The following ITGA9 variants were observed in gnomAD, a reference collection of about 807,000 sequenced individuals.
The protein encoded by ITGA9 is integrin subunit alpha 9.
ITGA9 carries 56 observed loss-of-function variants against 127.8 expected under a neutral mutation model. The ratio of observed to expected loss-of-function variants is 0.44; its 90% confidence interval spans 0.35 to 0.55. ITGA9 has a LOEUF of 0.55. Among genes scored for constraint, ITGA9 ranks in the 20% least tolerant of loss-of-function variants. ITGA9 has a pLI of 0.00. For missense variants in ITGA9, 1,196 were observed against 1,347.1 expected (o/e 0.89, Z 1.76); for synonymous variants, 508 against 514.5 (o/e 0.99, Z 0.17).
At chr3:37,663,979 T>C (rs1257390960) in intron 17 of ITGA9, among the ~76,000 whole-genome samples, 3 of 152,244 alleles carry the variant, frequency 2.0e-5, no homozygotes, top group African/African-American at 4.8e-5. Flanking sequence ...TATTATTTCA[T>C]TTAATCCTCA....
At chr3:37,463,324 T>C (rs1019781799) in intron 1 of ITGA9, among the ~76,000 whole-genome samples, 2 of 152,196 alleles carry the variant, frequency 1.3e-5, no homozygotes, top group African/African-American at 4.8e-5. Context: ...TAGCTTATTC[T>C]CTGGTTGGCA....
intron 3 of ITGA9, among the ~76,000 whole-genome samples, chr3:37,480,356 C>T (rs149393710): frequency 1.4e-4 from 22 of 152,322 alleles, no homozygotes; most frequent in Non-Finnish European, 2.9e-4. Context: ...TGAGAGGCTC[C>T]TCTGGAGAGC....
chr3:37,682,086 T>C (rs569142149), intron 17 of ITGA9, among the ~76,000 whole-genome samples: 6 of 152,306 alleles, frequency 3.9e-5, no homozygotes, highest in Non-Finnish European at 8.8e-5. Flanking sequence ...AAATATGCTA[T>C]GATAATTCCC....
Position 37,481,558 on chromosome 3 carries a change from C to A in ITGA9, c.495C>A (p.Ile165=). ...TACCCCATGGCTTCTGCTACATCAT[C>A]CCCTCCAACCTCCAGGCCAAAGGCA... ...HILPHGFCYI[I]PSNLQAKGRT... Residue 165 remains isoleucine (I), a synonymous_variant, in exon 4 of 28, where the codon ATC becomes ATA. Coordinates refer to ENST00000264741, the MANE Select transcript of ITGA9 (RefSeq NM_002207.3). 1 of 1,614,178 alleles carries A rather than the reference C, an allele frequency of 6.2e-7. No homozygotes were observed. Among genetic ancestry groups the A allele is most frequent in the Non-Finnish European group, 8.5e-7 (1 of 1,180,006 alleles).
intron 15 of ITGA9, among the ~76,000 whole-genome samples, chr3:37,542,824 G>C (rs1367837985): frequency 1.3e-5 from 2 of 152,054 alleles, no homozygotes; most frequent in Non-Finnish European, 2.9e-5. Context: ...GACCAGTGAT[G>C]GTCCCTGGCT....
chr3:37,500,408 C>G (rs1469461179), intron 5 of ITGA9, among the ~76,000 whole-genome samples: 1 of 152,192 alleles, frequency 6.6e-6, no homozygotes, highest in Non-Finnish European at 1.5e-5. Context: ...ACAGTCATTT[C>G]TTGTCTACAC....
intron 10 of ITGA9, among the ~76,000 whole-genome samples, chr3:37,518,333 C>G (rs909054718): frequency 6.6e-6 from 1 of 152,186 alleles, no homozygotes; most frequent in African/African-American, 2.4e-5. Context: ...GCCATCCAGA[C>G]GTCTTTGATA....
intron 17 of ITGA9, among the ~76,000 whole-genome samples, chr3:37,670,375 A>G (rs1700625867): frequency 6.6e-6 from 1 of 152,138 alleles, no homozygotes; most frequent in Admixed American, 6.5e-5. Flanking sequence ...TAGGGTCATT[A>G]ACTCAGTCCC....
intron 11 of ITGA9, among the ~76,000 whole-genome samples, chr3:37,522,317 G>A (rs892701282): frequency 1.3e-5 from 2 of 152,162 alleles, no homozygotes; most frequent in African/African-American, 2.4e-5. Flanking sequence ...CAGTATCTTT[G>A]TGAGGAACTG....
chr3:37,509,451 C>G (rs950657471), intron 8 of ITGA9, among the ~76,000 whole-genome samples: 2 of 151,614 alleles, frequency 1.3e-5, no homozygotes, highest in African/African-American at 2.4e-5. Context: ...TTGGTGGAGG[C>G]CTTAGTGGGA....
intron 26 of ITGA9, among the ~76,000 whole-genome samples, chr3:37,786,656 A>G (rs946437444): frequency 3.3e-5 from 5 of 152,218 alleles, no homozygotes; most frequent in African/African-American, 4.8e-5. Context: ...TAGGACCTCA[A>G]TAAAACTTCA....
chr3:37,758,742 C>T (rs1214841583), intron 23 of ITGA9, among the ~76,000 whole-genome samples: 4 of 151,444 alleles, frequency 2.6e-5, no homozygotes, highest in Non-Finnish European at 1.5e-5. Flanking sequence ...AAATGATAGC[C>T]TTTATTCTTA....
chr3:37,497,605 T>A (rs1347917044), intron 5 of ITGA9, among the ~76,000 whole-genome samples: 1 of 152,232 alleles, frequency 6.6e-6, no homozygotes, highest in Non-Finnish European at 1.5e-5. Context: ...CTACGTTATT[T>A]TTCTAAATAT....
At chr3:37,602,661 G>C (rs369122202) in intron 15 of ITGA9, among the ~76,000 whole-genome samples, 4 of 151,826 alleles carry the variant, frequency 2.6e-5, no homozygotes, top group Non-Finnish European at 4.4e-5. Context: ...AGAGTGAATG[G>C]GTTCATCCTG....
chr3:37,579,981 A>G (rs1699689957), intron 15 of ITGA9, among the ~76,000 whole-genome samples: 1 of 152,224 alleles, frequency 6.6e-6, no homozygotes, highest in African/African-American at 2.4e-5. Context: ...ATGTGTTTTT[A>G]ATGATAAAGA....
intron 16 of ITGA9, among the ~76,000 whole-genome samples, chr3:37,639,114 G>A (rs115294282): frequency 1.3e-3 from 203 of 152,276 alleles, no homozygotes; most frequent in African/African-American, 4.4e-3. Flanking sequence ...GGCACACATT[G>A]CACCTTCAAA....
At chr3:37,559,205 GA>G (rs1302428091) in intron 15 of ITGA9, among the ~76,000 whole-genome samples, 2 of 152,128 alleles carry the variant, frequency 1.3e-5, no homozygotes, top group African/African-American at 2.4e-5. Context: ...TGAAAGGAGA[GA>G]TTTTTTTCCC....
chr3:37,766,826 A>G (rs978316784), intron 23 of ITGA9, among the ~76,000 whole-genome samples: 2 of 152,042 alleles, frequency 1.3e-5, no homozygotes, highest in African/African-American at 2.4e-5. Flanking sequence ...CTCAGATAAC[A>G]TATTTATGTA....
At chr3:37,763,622 A>G (rs1000242471) in intron 23 of ITGA9, among the ~76,000 whole-genome samples, 1 of 152,212 alleles carries the variant, frequency 6.6e-6, no homozygotes, top group Non-Finnish European at 1.5e-5. Context: ...CACATCAGAA[A>G]AGTCCTGGAT....
Sources: gnomAD v4.1 joint callset for allele counts (sites outside exome capture counted in the v4.1 genomes callset) on GRCh38, gnomAD v4.1.1 for gene constraint, MANE v1.5 for transcripts, NCBI Gene and HGNC (gene_info 2026-07-23, HGNC 2026-07-21) for gene names.